CNBD1: variants seen among roughly 807,000 people sequenced by gnomAD.
CNBD1 encodes the protein cyclic nucleotide-binding domain-containing protein 1.
Under a neutral mutation model 54.4 loss-of-function variants are expected in CNBD1, and 71 were observed. That is an observed-to-expected ratio of 1.30 (90% confidence interval 1.08 to 1.59). CNBD1 has a LOEUF of 1.59. CNBD1 is among the 40% of genes most tolerant of loss of function. The pLI is 0.00. For missense variants in CNBD1, 659 were observed against 518.0 expected (o/e 1.27, Z -2.64); for synonymous variants, 182 against 170.7 (o/e 1.07, Z -0.51).
chr8:86,950,784 T>G (rs918168929), intron 4 of CNBD1, among the ~76,000 whole-genome samples: 2 of 152,176 alleles, frequency 1.3e-5, no homozygotes, highest in African/African-American at 2.4e-5. Context: ...TTTTCTTTAC[T>G]GGGAGACTTT....
chr8:87,139,300 G>T (rs1386192181), intron 4 of CNBD1, among the ~76,000 whole-genome samples: 2 of 152,144 alleles, frequency 1.3e-5, no homozygotes, highest in Non-Finnish European at 1.5e-5. Flanking sequence ...ACTCTCATAG[G>T]ACTGGTTGAA....
intron 8 of CNBD1, among the ~76,000 whole-genome samples, chr8:87,346,083 C>T (rs1333147004): frequency 6.6e-6 from 1 of 151,474 alleles, no homozygotes; most frequent in Non-Finnish European, 1.5e-5. Flanking sequence ...CTCTTGTTGC[C>T]CAGGCTGGAA....
chr8:87,427,322 T>C (rs1427412872), intron 2 of CNBD1, among the ~76,000 whole-genome samples: 2 of 152,196 alleles, frequency 1.3e-5, no homozygotes, highest in Non-Finnish European at 1.5e-5. Flanking sequence ...TAAAATTCTG[T>C]CATTTAGAGC....
At chr8:86,958,928 A>T (rs1203405275) in intron 4 of CNBD1, among the ~76,000 whole-genome samples, 2 of 152,106 alleles carry the variant, frequency 1.3e-5, no homozygotes, top group Non-Finnish European at 2.9e-5. Flanking sequence ...TAGTTGATGC[A>T]GTTTGTTCCT....
intron 4 of CNBD1, among the ~76,000 whole-genome samples, chr8:87,016,223 T>G (rs1791180019): frequency 6.6e-6 from 1 of 151,852 alleles, no homozygotes; most frequent in South Asian, 2.1e-4. Context: ...AACTCTCCAG[T>G]AATTTAAAAT....
intron 4 of CNBD1, among the ~76,000 whole-genome samples, chr8:87,129,766 A>G (rs1812077490): frequency 6.6e-6 from 1 of 152,056 alleles, no homozygotes; most frequent in Non-Finnish European, 1.5e-5. Context: ...ATATTTAAAC[A>G]TTTCTCTCTC....
At chr8:86,991,194 G>A (rs957129477) in intron 4 of CNBD1, among the ~76,000 whole-genome samples, 8 of 152,022 alleles carry the variant, frequency 5.3e-5, no homozygotes, top group Admixed American at 2.0e-4. Flanking sequence ...TGATTGCTCT[G>A]TCTACGATTC....
intron 2 of CNBD1, among the ~76,000 whole-genome samples, chr8:87,404,840 T>TA (rs1807626690): frequency 8.9e-5 from 2 of 22,516 alleles, no homozygotes; most frequent in Non-Finnish European, 1.9e-4. Flanking sequence ...CAGGCAACAA[T>TA]GTTTTGCAAA....
intron 5 of CNBD1, among the ~76,000 whole-genome samples, chr8:87,236,181 T>C (rs1807581335): frequency 6.6e-6 from 1 of 152,152 alleles, no homozygotes; most frequent in Non-Finnish European, 1.5e-5. Flanking sequence ...TCTTATGAAG[T>C]AATGTAAATA....
intron 5 of CNBD1, among the ~76,000 whole-genome samples, 199 bp from the exon 6 acceptor site, chr8:87,236,720 C>T (rs982095852): frequency 6.6e-6 from 1 of 152,018 alleles, no homozygotes; most frequent in African/African-American, 2.4e-5. Context: ...AAAGAATACT[C>T]CAAATGTATA....
chr8:87,072,540 G>C (rs534894007), intron 4 of CNBD1, among the ~76,000 whole-genome samples: 187 of 152,134 alleles, frequency 1.2e-3, no homozygotes, highest in African/African-American at 4.0e-3. Context: ...TGACTGAAAA[G>C]TATCTTATTT....
Position 87,354,942 on chromosome 8 carries a change from A to T in CNBD1, c.1303+1156A>T, listed in dbSNP as rs547968159. 5.9e-5 allele frequency among the ~76,000 whole-genome samples: 9 copies of T among 152,324 alleles called. No individual in the cohort carries two copies. In the East Asian group the frequency reaches 1.7e-3, roughly 29 times the overall value. On this transcript the variant is annotated intron_variant, in intron 10 of 10. Transcript: ENST00000518476. ...ACCCAGTAATGGGATGGCTGGGTCC[A>T]TCAGAGAAATGCAAATCAAAACCAC... is the stretch of plus-strand genomic sequence containing the variant.
At chr8:87,322,555 T>C (rs1327288222) in intron 8 of CNBD1, among the ~76,000 whole-genome samples, 4 of 118,256 alleles carry the variant, frequency 3.4e-5, no homozygotes, top group African/African-American at 9.6e-5. Context: ...TGATGGCCAG[T>C]AATGATGAGC....
chr8:87,251,937 A>G (rs1358848338), intron 6 of CNBD1, among the ~76,000 whole-genome samples: 1 of 152,054 alleles, frequency 6.6e-6, no homozygotes, highest in Non-Finnish European at 1.5e-5. Flanking sequence ...TGATGCTTAT[A>G]GGTAGATTTG....
In CNBD1 at chr8:86,939,621, A is replaced by G; in HGVS notation, c.298A>G (p.Ser100Gly). Residue 100 changes from serine to glycine, a missense_variant, in exon 4 of 11, where the codon AGT becomes GGT. By Grantham distance (56) the Ser-to-Gly change is moderately conservative. Transcript: ENST00000518476. The part of the protein sequence containing the change: ...QRELNEGKEE[S>G]QHQQPDDSNN... ...GGAACTCAATGAAGGCAAAGAGGAA[A>G]GTCAACATCAACAACCTGATGATTC... is the stretch of plus-strand genomic sequence containing the variant. 6.3e-7 allele frequency: 1 copy of G among 1,595,180 alleles called. No individual in the cohort carries two copies. Among genetic ancestry groups the G allele is most frequent in the Non-Finnish European group, 8.5e-7 (1 of 1,173,282 alleles).
chr8:87,005,807 GCTAT>G (rs1323346039), intron 4 of CNBD1, among the ~76,000 whole-genome samples: 6 of 152,026 alleles, frequency 3.9e-5, no homozygotes, highest in Non-Finnish European at 7.4e-5. Context: ...GTGTGATTAC[GCTAT>G]CTGTGTTTGC....
intron 10 of CNBD1, among the ~76,000 whole-genome samples, chr8:87,373,781 G>A (rs1306989132): frequency 6.6e-6 from 1 of 151,672 alleles, no homozygotes; most frequent in Non-Finnish European, 1.5e-5. Flanking sequence ...TGTATTTTTA[G>A]GATAAGTTTA....
intron 4 of CNBD1, among the ~76,000 whole-genome samples, chr8:86,960,720 G>T (rs1483671243): frequency 1.3e-5 from 2 of 152,156 alleles, no homozygotes; most frequent in African/African-American, 4.8e-5. Context: ...TAGCCTAACT[G>T]GGAGACATCT....
chr8:86,868,222 T>A (rs1808391428), intron 1 of CNBD1, among the ~76,000 whole-genome samples: 1 of 152,234 alleles, frequency 6.6e-6, no homozygotes, highest in African/African-American at 2.4e-5. Context: ...AATGCACATT[T>A]ACATACCTAA....
Sources: gnomAD v4.1 joint callset for allele counts (sites outside exome capture counted in the v4.1 genomes callset) on GRCh38, gnomAD v4.1.1 for gene constraint, MANE v1.5 for transcripts, NCBI Gene and HGNC (gene_info 2026-07-23, HGNC 2026-07-21) for gene names.